The following DAB1 variants were observed in gnomAD, a reference collection of about 807,000 sequenced individuals.
The protein encoded by DAB1 is DAB adaptor protein 1, also known as disabled homolog 1.
A neutral mutation model predicts 64.6 loss-of-function variants in DAB1; 15 were observed. That is an observed-to-expected ratio of 0.23 (90% CI 0.16 to 0.36). The LOEUF (loss-of-function observed/expected upper bound fraction) is 0.36, where lower values mean the gene tolerates loss of function less well. Ranked by LOEUF, DAB1 falls within the 10% of genes least tolerant of loss-of-function variation. The pLI is 1.00. For synonymous variants in DAB1, 235 were observed against 251.9 expected, an observed-to-expected ratio of 0.93 and a Z score of 0.64; for missense variants, 596 against 706.7, an observed-to-expected ratio of 0.84 and a Z score of 1.78.
chr1:58,337,424 TC>T (rs2100501462), intron 4 of DAB1, among the ~76,000 whole-genome samples: 1 of 152,346 alleles, frequency 6.6e-6, no homozygotes, highest in South Asian at 2.1e-4. Context: ...TTTTCTCTTT[TC>T]CAGAAACCCA....
intron 3 of DAB1, among the ~76,000 whole-genome samples, chr1:57,142,039 T>C (rs993397285): frequency 9.8e-5 from 15 of 152,316 alleles, no homozygotes; most frequent in African/African-American, 3.6e-4. Context: ...GTATCTCATA[T>C]GATCAAAAGA....
intron 6 of DAB1, among the ~76,000 whole-genome samples, chr1:57,695,377 A>AAAGAAAGAAAGAAAAGAAAG (rs1646824681): frequency 1.5e-5 from 1 of 67,006 alleles, no homozygotes; most frequent in Non-Finnish European, 2.9e-5. Context: ...AGAAAGAAAG[A>AAAGAAAGAAAGAAAAGAAAG]AAGAAAGAAA....
At chr1:58,219,992 A>T (rs571210386) in intron 4 of DAB1, among the ~76,000 whole-genome samples, 20 of 152,384 alleles carry the variant, frequency 1.3e-4, no homozygotes, top group African/African-American at 4.8e-4. Context: ...TCATCTCTAA[A>T]GTTGAGACAA....
At chr1:58,038,092 C>A (rs1348724642) in intron 5 of DAB1, among the ~76,000 whole-genome samples, 1 of 152,120 alleles carries the variant, frequency 6.6e-6, no homozygotes, top group African/African-American at 2.4e-5. Flanking sequence ...GACTTGATAT[C>A]TTTTATATTT....
chr1:57,036,158 A>G (rs906496047), intron 9 of DAB1, among the ~76,000 whole-genome samples: 1 of 152,122 alleles, frequency 6.6e-6, no homozygotes, highest in Non-Finnish European at 1.5e-5. Flanking sequence ...ATATTTGGAA[A>G]TAGAGGAAAA....
At chr1:57,600,177 A>C (rs1210846727) in intron 7 of DAB1, among the ~76,000 whole-genome samples, 2 of 152,166 alleles carry the variant, frequency 1.3e-5, no homozygotes. Context: ...CCATGTCTGC[A>C]TCCCCCAACA....
intron 1 of DAB1, among the ~76,000 whole-genome samples, chr1:57,854,029 C>T (rs1653647253): frequency 6.6e-6 from 1 of 152,032 alleles, no homozygotes; most frequent in Non-Finnish European, 1.5e-5. Flanking sequence ...ATATTAAATG[C>T]CTCTATGCTG....
At chr1:58,535,111 TGAAAG>T (rs771774739) in intron 1 of DAB1, among the ~76,000 whole-genome samples, 46 of 152,300 alleles carry the variant, frequency 3.0e-4, no homozygotes, top group Non-Finnish European at 3.5e-4. Context: ...ACTCACAGAT[TGAAAG>T]GAAATTACTG....
At chr1:58,289,944 G>T (rs1249994640) in intron 4 of DAB1, among the ~76,000 whole-genome samples, 1 of 152,164 alleles carries the variant, frequency 6.6e-6, no homozygotes, top group African/African-American at 2.4e-5. Context: ...CAGCACAAAA[G>T]CTTTCCAACA....
intron 7 of DAB1, among the ~76,000 whole-genome samples, chr1:57,487,662 T>A (rs1329967732): frequency 6.6e-6 from 1 of 152,164 alleles, no homozygotes; most frequent in Non-Finnish European, 1.5e-5. Flanking sequence ...GCTGTCCAGA[T>A]TTGTAGCCTA....
chr1:57,879,754 A>T (rs1644112910), intron 1 of DAB1, among the ~76,000 whole-genome samples: 2 of 152,160 alleles, frequency 1.3e-5, no homozygotes, highest in Non-Finnish European at 2.9e-5. Context: ...TCACTCTGCC[A>T]TTTGAAGAGG....
chr1:57,998,383 TTCTC>T (rs1293450485), intron 5 of DAB1, among the ~76,000 whole-genome samples: 15 of 142,604 alleles, frequency 1.1e-4, no homozygotes, highest in Non-Finnish European at 2.1e-4. Context: ...CATCTTTTTT[TTCTC>T]TCTTTTTTTT....
intron 5 of DAB1, among the ~76,000 whole-genome samples, chr1:57,988,565 T>C (rs1646277563): frequency 6.6e-6 from 1 of 152,194 alleles, no homozygotes. Context: ...AGACTTCTTT[T>C]CTGCACAAAC....
intron 7 of DAB1, among the ~76,000 whole-genome samples, chr1:57,529,231 G>A (rs987017968): frequency 3.0e-4 from 46 of 152,054 alleles, no homozygotes; most frequent in African/African-American, 8.2e-4. Context: ...AACACAAAAA[G>A]CATAGGCAAA....
At chr1:57,657,919 C>A (rs1189365071) in intron 6 of DAB1, among the ~76,000 whole-genome samples, 1 of 152,168 alleles carries the variant, frequency 6.6e-6, no homozygotes, top group East Asian at 1.9e-4. Context: ...TCTTCGACCC[C>A]TAGTAGCTTT....
intron 1 of DAB1, among the ~76,000 whole-genome samples, chr1:57,342,610 G>T (rs1362130887): frequency 1.3e-5 from 2 of 152,222 alleles, no homozygotes; most frequent in Non-Finnish European, 2.9e-5. Flanking sequence ...TGGGTTCTTG[G>T]TCTCACTGAC....
chr1:57,105,465 A>C (rs1207277021), intron 4 of DAB1, among the ~76,000 whole-genome samples: 1 of 152,066 alleles, frequency 6.6e-6, no homozygotes, highest in Non-Finnish European at 1.5e-5. Context: ...GAGCAGCCGC[A>C]GTCGCCCTTA....
At chr1:58,112,281 G>A (rs1652008267) in intron 5 of DAB1, among the ~76,000 whole-genome samples, 1 of 152,184 alleles carries the variant, frequency 6.6e-6, no homozygotes, top group African/African-American at 2.4e-5. Context: ...CTGTTCTGAA[G>A]AATGAAAGTT....
chr1:58,127,434 C>A (rs1297477132), intron 5 of DAB1, among the ~76,000 whole-genome samples: 1 of 150,620 alleles, frequency 6.6e-6, no homozygotes, highest in Admixed American at 6.6e-5. Flanking sequence ...ATGGTAGTTT[C>A]TTTTGCTGTG....
Sources: allele counts gnomAD v4.1 joint callset (sites outside exome capture counted in the v4.1 genomes callset), GRCh38; gene constraint gnomAD v4.1.1; transcripts MANE v1.5; gene names NCBI Gene and HGNC (gene_info 2026-07-23, HGNC 2026-07-21).